Variants in CSMD3 observed in about 807,000 individuals in gnomAD.
The protein encoded by CSMD3 is CUB and sushi domain-containing protein 3.
In CSMD3, 177 loss-of-function variants were observed where a neutral mutation model predicts 435.2. That is an observed-to-expected ratio of 0.41 (90% confidence interval 0.36 to 0.46). The LOEUF (loss-of-function observed/expected upper bound fraction) is 0.46. CSMD3 is among the 20% of genes least tolerant of loss of function. CSMD3 has a pLI of 0.34. For synonymous variants in CSMD3, 1,656 were observed against 1,520.5 expected (o/e 1.09, Z -2.07); for missense variants, 4,265 against 4,504.6 (o/e 0.95, Z 1.52).
At chr8:113,368,928 G>C (rs1353366269) in intron 1 of CSMD3, among the ~76,000 whole-genome samples, 10 of 151,944 alleles carry the variant, frequency 6.6e-5, no homozygotes, top group Admixed American at 6.6e-4. Context: ...AATCACCAAG[G>C]AACGGTGGGT....
At chr8:112,565,669 T>A (rs1829002234) in intron 24 of CSMD3, among the ~76,000 whole-genome samples, 1 of 152,092 alleles carries the variant, frequency 6.6e-6, no homozygotes, top group Non-Finnish European at 1.5e-5. Context: ...TAAGAAAACA[T>A]CTGAGCCCAG....
chr8:112,270,371 T>TGTGTGTGTGTTAGGGGTGA (rs1554623050), intron 59 of CSMD3, among the ~76,000 whole-genome samples: 9 of 150,722 alleles, frequency 6.0e-5, no homozygotes, highest in African/African-American at 2.2e-4. Flanking sequence ...TGTGTGTGTG[T>TGTGTGTGTGTTAGGGGTGA]GTGTGTGTGT....
rs189733801 is a variant in CSMD3, at chr8:113,381,834, T to G, written c.178+54843A>C. ...ATAATCCCACCATACAGAGATAACC[T>G]ATGCTACTATTTTAAAATACTCATT... On this transcript the variant is annotated intron_variant, in intron 1 of 70. Transcript: ENST00000297405. Among the ~76,000 whole-genome samples, 301 of 152,294 alleles carry G rather than the reference T, an allele frequency of 2.0e-3. 4 individuals are homozygous for G. The highest frequency in any genetic ancestry group is 9.3e-4 in the Non-Finnish European group (63 of 68,002).
At chr8:112,579,565 GTTAAT>G (rs761339210) in intron 23 of CSMD3, among the ~76,000 whole-genome samples, 15 of 151,902 alleles carry the variant, frequency 9.9e-5, no homozygotes, top group Non-Finnish European at 2.1e-4. Context: ...TATAATTTAA[GTTAAT>G]TTAATTGTAG....
chr8:113,180,781 T>C (rs1458869654), intron 3 of CSMD3, among the ~76,000 whole-genome samples: 1 of 152,022 alleles, frequency 6.6e-6, no homozygotes, highest in Non-Finnish European at 1.5e-5. Flanking sequence ...TGTGATTTTG[T>C]ATGAGTCAAA....
chr8:112,247,259 TG>T, intron 63 of CSMD3, 128 bp from the exon 64 acceptor site: 1 of 661,012 alleles, frequency 1.5e-6, no homozygotes, highest in Non-Finnish European at 2.7e-6. Context: ...AAAAAATAAT[TG>T]AAATCTGATT....
At chr8:112,506,320 T>C (rs2130927891) in intron 29 of CSMD3, among the ~76,000 whole-genome samples, 1 of 152,246 alleles carries the variant, frequency 6.6e-6, no homozygotes, top group East Asian at 1.9e-4. Flanking sequence ...GAAAAAGGAA[T>C]TGTGCTACTA....
rs986478530 is a variant in CSMD3, at chr8:113,133,475, C to T, written c.710-34512G>A. On this transcript the variant is annotated intron_variant, in intron 4 of 70. Transcript: ENST00000297405. ...GAATAAATCAGAACCCTGTGCCAGT[C>T]GGTGAGATTGTAAAATGATGCAACT... is the stretch of plus-strand genomic sequence containing the variant. 2.6e-5 allele frequency among the ~76,000 whole-genome samples: 4 copies of T among 152,104 alleles called. No homozygotes were observed. The East Asian group carries it at 5.8e-4, about 22-fold the overall frequency.
At chr8:113,342,884 A>G (rs139046501) in intron 1 of CSMD3, among the ~76,000 whole-genome samples, 1 of 151,834 alleles carries the variant, frequency 6.6e-6, no homozygotes, top group African/African-American at 2.4e-5. Context: ...CCAATGTCCA[A>G]TGATGAATCA....
rs368366051 is a variant in CSMD3, at chr8:112,632,056, G to T, written c.3715+4761C>A. ...ATAATTTTAGTATAGAGAGCTTGGAGGTTAAGATAAAGTAAATAGAATTTG... is the reference window on the plus strand; with the variant it reads ...ATAATTTTAGTATAGAGAGCTTGGATGTTAAGATAAAGTAAATAGAATTTG... On this transcript the variant is annotated intron_variant, in intron 22 of 70. Coordinates refer to ENST00000297405, the MANE Select transcript of CSMD3 (RefSeq NM_198123.2). Among the ~76,000 whole-genome samples, 9 of 152,010 alleles carry T rather than the reference G, an allele frequency of 5.9e-5. No homozygotes were observed. In the East Asian group the frequency reaches 7.7e-4, roughly 13 times the overall value.
At chr8:113,057,353 G>A (rs2088388301) in intron 5 of CSMD3, among the ~76,000 whole-genome samples, 3 of 152,054 alleles carry the variant, frequency 2.0e-5, no homozygotes, top group Non-Finnish European at 2.9e-5. Flanking sequence ...GTCTAATTTA[G>A]AAAAGCTTCT....
Position 112,622,774 on chromosome 8 carries a change from T to A in CSMD3, c.3715+14043A>T, listed in dbSNP as rs557901253. Among the ~76,000 whole-genome samples the A allele has an allele frequency of 4.6e-5, 7 of 152,272 alleles. No individual in the cohort carries two copies. The South Asian group carries it at 1.5e-3, about 32-fold the overall frequency. ...CTCATTTGTATACTGGAGATGATGA[T>A]GATAGTTTTTTGCATCACAGACTTG... is the stretch of plus-strand genomic sequence containing the variant. On this transcript the variant is annotated intron_variant, in intron 22 of 70. Transcript: ENST00000297405.
At chr8:113,019,497 T>C (rs1480767243) in intron 5 of CSMD3, among the ~76,000 whole-genome samples, 2 of 149,594 alleles carry the variant, frequency 1.3e-5, no homozygotes, top group African/African-American at 2.5e-5. Context: ...ATTAGTATTA[T>C]ATAGTTTATC....
At chr8:113,393,824 A>G (rs2094471625) in intron 1 of CSMD3, among the ~76,000 whole-genome samples, 1 of 152,008 alleles carries the variant, frequency 6.6e-6, no homozygotes, top group Admixed American at 6.6e-5. Context: ...CCTTAATTTT[A>G]TTTTTTATAA....
chr8:112,709,404 G>A (rs1194411531), intron 13 of CSMD3, among the ~76,000 whole-genome samples: 3 of 152,000 alleles, frequency 2.0e-5, no homozygotes, highest in Non-Finnish European at 4.4e-5. Context: ...CTTAGGACAC[G>A]CTTGGGGAAG....
intron 1 of CSMD3, among the ~76,000 whole-genome samples, chr8:113,422,751 G>A (rs1022801800): frequency 2.6e-5 from 4 of 151,636 alleles, no homozygotes; most frequent in African/African-American, 9.7e-5. Context: ...AGAGAGAGAC[G>A]AAAAAAAATG....
At chr8:113,220,872 T>C (rs72687660) in intron 3 of CSMD3, among the ~76,000 whole-genome samples, 18,783 of 151,330 alleles carry the variant, frequency 0.12, 2,005 homozygotes, top group African/African-American at 0.29. Context: ...GCGGAACACT[T>C]ATAAGGACCA....
chr8:112,483,499 T>C (rs1320795228), intron 31 of CSMD3, among the ~76,000 whole-genome samples: 1 of 151,254 alleles, frequency 6.6e-6, no homozygotes, highest in Non-Finnish European at 1.5e-5. Flanking sequence ...AAAAGAAAAA[T>C]AAGAGAAAGG....
At position 112,726,837 on chromosome 8, in the gene CSMD3, T is replaced by C. The variant is rs1333877390; in HGVS notation, c.1973-36787A>G. 3.3e-5 allele frequency among the ~76,000 whole-genome samples: 5 copies of C among 151,862 alleles called. No homozygotes were observed. In the Admixed American group the frequency reaches 3.3e-4, roughly 10 times the overall value. ...TTGATTATTGATGTAATGTATTAGA[T>C]TTAATGCTTGATCAATAACACTAAG... is the stretch of plus-strand genomic sequence containing the variant. On this transcript the variant is annotated intron_variant, in intron 13 of 70. Coordinates refer to ENST00000297405, the MANE Select transcript of CSMD3 (RefSeq NM_198123.2).
Sources: gnomAD v4.1 joint callset for allele counts (sites outside exome capture counted in the v4.1 genomes callset) on GRCh38, gnomAD v4.1.1 for gene constraint, MANE v1.5 for transcripts, NCBI Gene and HGNC (gene_info 2026-07-23, HGNC 2026-07-21) for gene names.